Variants in GOLIM4 observed in about 807,000 individuals in gnomAD.
GOLIM4 encodes 130 kDa golgi-localized phosphoprotein.
In GOLIM4, 71 loss-of-function variants were observed where a neutral mutation model predicts 107.4. The observed-to-expected ratio is 0.66, with a 90% CI of 0.55 to 0.81. GOLIM4 has a LOEUF of 0.81. Ranked by LOEUF, GOLIM4 falls within the 30% of genes least tolerant of loss-of-function variation. GOLIM4 has a pLI of 0.00. For synonymous variants in GOLIM4, 327 were observed against 294.8 expected, an observed-to-expected ratio of 1.11 and a Z score of -1.12; for missense variants, 830 against 826.1, an observed-to-expected ratio of 1.00 and a Z score of -0.06.
chr3:168,059,459 A>G (rs887108816), intron 1 of GOLIM4, among the ~76,000 whole-genome samples: 5 of 152,216 alleles, frequency 3.3e-5, no homozygotes, highest in Admixed American at 6.5e-5. Context: ...GTCTTGTAAA[A>G]AGATGCTATT....
At chr3:168,035,549 A>G (rs1196438672) in intron 8 of GOLIM4, among the ~76,000 whole-genome samples, 1 of 152,246 alleles carries the variant, frequency 6.6e-6, no homozygotes, top group East Asian at 1.9e-4. Flanking sequence ...ACACAGGAAC[A>G]GAAAGTCAAA....
At chr3:168,050,630 C>T (rs1016342808) in intron 1 of GOLIM4, among the ~76,000 whole-genome samples, 1 of 151,984 alleles carries the variant, frequency 6.6e-6, no homozygotes, top group Non-Finnish European at 1.5e-5. Context: ...AAGTTCTCAC[C>T]GTCTGGGTAG....
intron 9 of GOLIM4, 70 bp from the exon 10 acceptor site, chr3:168,030,106 T>C: frequency 6.7e-7 from 1 of 1,489,536 alleles, no homozygotes; most frequent in Non-Finnish European, 9.2e-7. Flanking sequence ...CATTTGTTTC[T>C]CCTGACAAAC....
rs11277957 is a variant in GOLIM4 at position 168,048,409 on chromosome 3, TTAAAAC to T, written c.188-50_188-45del. 16,006 of 921,362 alleles carry T rather than the reference TTAAAAC, an allele frequency of 0.017. 1,665 individuals carry two copies. In the African/African-American group the frequency reaches 0.23, roughly 14 times the overall value. The allele number at this position is 921,362 out of a possible 1,614,324, so 57.1% of individuals were successfully genotyped here. The stretch of plus-strand genomic sequence containing the variant: ...TTTTTGTCTTCAAAGAATTAGAAAT[TTAAAAC>T]TAAAATTAACATCAATTTTTAAAAC... On this transcript the variant is annotated intron_variant, in intron 1 of 15. Transcript: ENST00000470487.
At chr3:168,048,217 T>C (rs1305014387) in intron 2 of GOLIM4, 74 bp downstream of exon 2, 3 of 796,742 alleles carry the variant, frequency 3.8e-6, no homozygotes, top group African/African-American at 1.7e-5. Flanking sequence ...CAAAAAAAAA[T>C]TGTAAACCAA....
chr3:168,087,984 T>C (rs957161473), intron 1 of GOLIM4, among the ~76,000 whole-genome samples: 2 of 152,228 alleles, frequency 1.3e-5, no homozygotes, highest in East Asian at 1.9e-4. Context: ...AAAGAAAATA[T>C]AGTTTATCAT....
chr3:168,012,139 G>GAAA, intron 14 of GOLIM4, among the ~76,000 whole-genome samples: 1 of 110,820 alleles, frequency 9.0e-6, no homozygotes, highest in African/African-American at 8.0e-5. Context: ...TGAAAACTTT[G>GAAA]AAAAAAATTT....
chr3:168,025,682 T>C (rs933774419), intron 12 of GOLIM4, among the ~76,000 whole-genome samples: 1 of 152,152 alleles, frequency 6.6e-6, no homozygotes, highest in Non-Finnish European at 1.5e-5. Context: ...TTAACAATCA[T>C]TCCCATGAAA....
intron 7 of GOLIM4, among the ~76,000 whole-genome samples, chr3:168,040,083 T>C (rs915104117): frequency 6.6e-6 from 1 of 152,254 alleles, no homozygotes; most frequent in East Asian, 1.9e-4. Flanking sequence ...AAAGTGAAGA[T>C]CTAGTTTACA....
chr3:168,029,705 A>AC, intron 10 of GOLIM4, 75 bp downstream of exon 10: 1 of 1,549,038 alleles, frequency 6.5e-7, no homozygotes, highest in East Asian at 2.3e-5. Flanking sequence ...TCACAAATGC[A>AC]CAAAACTGTT....
At chr3:168,033,214 T>C (rs1034717110) in intron 8 of GOLIM4, among the ~76,000 whole-genome samples, 4 of 152,248 alleles carry the variant, frequency 2.6e-5, no homozygotes, top group Non-Finnish European at 5.9e-5. Flanking sequence ...TTTTCTTCAA[T>C]GTAAATTTTG....
chr3:168,055,464 G>A lies in GOLIM4; in HGVS notation c.188-7099C>T, dbSNP rs182388390. Among the ~76,000 whole-genome samples the A allele has an allele frequency of 6.2e-3, 939 of 152,198 alleles. 5 individuals carry two copies. The highest frequency in any genetic ancestry group is 9.5e-3 in the Non-Finnish European group (647 of 68,012). On this transcript the variant is annotated intron_variant, in intron 1 of 15. Transcript: ENST00000470487. ...CTTTGAACTTGAGAAAGATGATTTA[G>A]GGATCTGGTGGAAGAAATTTCTAAG... is the stretch of plus-strand genomic sequence containing the variant.
chr3:168,045,676 T>C (rs1719258488), intron 3 of GOLIM4, among the ~76,000 whole-genome samples: 1 of 152,192 alleles, frequency 6.6e-6, no homozygotes, highest in Non-Finnish European at 1.5e-5. Flanking sequence ...TATCCCTCAC[T>C]TTACCCTGCC....
chr3:168,011,272 AAG>A (rs1717006221), intron 14 of GOLIM4, among the ~76,000 whole-genome samples: 1 of 151,978 alleles, frequency 6.6e-6, no homozygotes, highest in Admixed American at 6.5e-5. Flanking sequence ...GAGTCAAAGA[AAG>A]GGGTGACGGA....
intron 7 of GOLIM4, among the ~76,000 whole-genome samples, chr3:168,038,044 T>C (rs1401265209): frequency 6.6e-6 from 1 of 152,196 alleles, no homozygotes; most frequent in African/African-American, 2.4e-5. Context: ...GGCACACTGC[T>C]CTTCCACCCC....
chr3:168,032,259 A>G (rs1030155604), intron 9 of GOLIM4, among the ~76,000 whole-genome samples: 6 of 152,218 alleles, frequency 3.9e-5, no homozygotes, highest in Non-Finnish European at 8.8e-5. Flanking sequence ...TGTGAGAATG[A>G]ATCTCTGACT....
At chr3:168,047,180 T>C (rs1161408028) in intron 2 of GOLIM4, among the ~76,000 whole-genome samples, 181 bp from the exon 3 acceptor site, 2 of 152,226 alleles carry the variant, frequency 1.3e-5, no homozygotes, top group Non-Finnish European at 2.9e-5. Context: ...GGAAAAAACA[T>C]ACAGCTTCCT....
chr3:168,041,306 G>A (rs574166607), intron 6 of GOLIM4, 86 bp downstream of exon 6: 1 of 763,560 alleles, frequency 1.3e-6, no homozygotes, highest in African/African-American at 1.7e-5. Context: ...TTGTAAAGCA[G>A]GCCAATTAGG....
intron 1 of GOLIM4, among the ~76,000 whole-genome samples, chr3:168,061,006 C>T (rs1316607571): frequency 2.0e-5 from 3 of 152,018 alleles, no homozygotes; most frequent in Non-Finnish European, 4.4e-5. Flanking sequence ...AGCAGGTCAT[C>T]GCAGCAACCT....
Sources: gnomAD v4.1 joint callset for allele counts (sites outside exome capture counted in the v4.1 genomes callset) on GRCh38, gnomAD v4.1.1 for gene constraint, MANE v1.5 for transcripts, NCBI Gene and HGNC (gene_info 2026-07-23, HGNC 2026-07-21) for gene names.